Variants in SSC5D observed in about 807,000 individuals in gnomAD.
SSC5D encodes the protein soluble scavenger receptor cysteine-rich domain-containing protein SSC5D.
In SSC5D, 106 loss-of-function variants were observed where a neutral mutation model predicts 104.6. The observed-to-expected ratio is 1.01, with a 90% confidence interval of 0.87 to 1.19. SSC5D has a LOEUF of 1.19. Ranked by LOEUF, SSC5D falls within the 50% of genes most tolerant of loss-of-function variation. The pLI is 0.00. For synonymous variants in SSC5D, 860 were observed against 883.5 expected (o/e 0.97, Z 0.47); for missense variants, 1,993 against 2,153.8 (o/e 0.93, Z 1.48).
rs937157547 is a variant in SSC5D at position 55,499,384 on chromosome 19, G to A, written c.1706-432G>A. On this transcript the variant is annotated intron_variant, in intron 9 of 13. Coordinates refer to ENST00000389623, the MANE Select transcript of SSC5D (RefSeq NM_001144950.2). The stretch of plus-strand genomic sequence containing the variant: ...TCCCCGTCTTCCTGAGGGCCACGGG[G>A]GCACCACAGAAGGATTCTGAGTTCG... Among the ~76,000 whole-genome samples, 7 of 152,330 alleles carry A rather than the reference G, an allele frequency of 4.6e-5. No homozygotes were observed. In the East Asian group the frequency reaches 1.3e-3, roughly 29 times the overall value.
chr19:55,505,101 G>C (rs1208633572), intron 12 of SSC5D, among the ~76,000 whole-genome samples: 2 of 151,650 alleles, frequency 1.3e-5, no homozygotes, highest in Non-Finnish European at 2.9e-5. Flanking sequence ...GTTCCAACCC[G>C]GATTAGAACT....
Position 55,513,181 on chromosome 19 carries a change from C to T in SSC5D, c.2947+9C>T, listed in dbSNP as rs183364363. 93 of 1,487,766 alleles carry T rather than the reference C, an allele frequency of 6.3e-5. No homozygotes were observed. The East Asian group carries it at 1.4e-3, about 22-fold the overall frequency. The allele number at this position is 1,487,766 out of a possible 1,614,324, so 92.2% of individuals were successfully genotyped here. The stretch of plus-strand genomic sequence containing the variant: ...AGTCCATGGAGACACAGGTGAGACA[C>T]GTGGCTGGGGTGAGGAGACTGGGAC... On this transcript the variant is annotated intron_variant, in intron 13 of 13. Coordinates refer to ENST00000389623, the MANE Select transcript of SSC5D (RefSeq NM_001144950.2).
chr19:55,493,991 G>GGGGGGGGGGC lies in SSC5D; in HGVS notation c.1213+82_1213+83insGGGGGGCGGG. The GGGGGGGGGGC allele has an allele frequency of 6.6e-6, 2 of 301,048 alleles. 1 individual carries two copies. The highest frequency in any genetic ancestry group is 4.7e-5 in the South Asian group (2 of 42,154). The allele number at this position is 301,048 out of a possible 1,614,324, so 18.6% of individuals were successfully genotyped here. ...GAGGGGCAAGTTCGGCGGGGGCGGG[G>GGGGGGGGGGC]GGGTCCCTACGCGCCCTTCCTGCCC... On this transcript the variant is annotated intron_variant, in intron 7 of 13. Coordinates refer to ENST00000389623, the MANE Select transcript of SSC5D (RefSeq NM_001144950.2).
chr19:55,495,233 A>ATATATATATATATTTTT (rs1555765051), intron 8 of SSC5D, among the ~76,000 whole-genome samples: 1 of 50,668 alleles, frequency 2.0e-5, no homozygotes, highest in Non-Finnish European at 3.2e-5. Flanking sequence ...ATATATATAT[A>ATATATATATATATTTTT]TTTTTTTTTT....
rs1475453288 is a variant in SSC5D, at chr19:55,518,105, C to G, written c.3829C>G (p.Pro1277Ala). 6.8e-7 allele frequency: 1 copy of G among 1,465,740 alleles called. No individual in the cohort carries two copies. Among genetic ancestry groups the G allele is most frequent in the Non-Finnish European group, 9.2e-7 (1 of 1,088,890 alleles). The allele number at this position is 1,465,740 out of a possible 1,614,324, so 90.8% of individuals were successfully genotyped here. A position where few individuals can be genotyped will look rare whatever the true frequency, so the allele number is the denominator to read the frequency against. The change falls in exon 14 of 14, where the codon CCC becomes GCC. Residue 1277 changes from proline to alanine, a missense_variant. Physicochemically the swap from Pro to Ala is conservative, Grantham distance 27. This residue lies in a region of SSC5D where 349 missense variants were observed against 397.6 expected (regional missense o/e 0.88). Coordinates refer to ENST00000389623, the MANE Select transcript of SSC5D (RefSeq NM_001144950.2). ...CATGCAGCCCACCACGATGCCTCAT[C>G]CCACCACGACCCCTCACCCCACCAC... is the stretch of plus-strand genomic sequence containing the variant. ...TTMQPTTMPH[P>A]TTTPHPTTTP...
Position 55,517,333 on chromosome 19 carries a change from C to G in SSC5D, c.3057C>G (p.Gly1019=), listed in dbSNP as rs1335912122. ...CCTCCGCCTCTCCGGGACCCCCAGG[C>G]CCAGCGCTGACCTCTGACTCCAGTC... is the stretch of plus-strand genomic sequence containing the variant. The part of the protein sequence containing the change: ...PGPSASPGPP[G]PALTSDSSRE... Residue 1019 remains glycine, a synonymous_variant, in exon 14 of 14, where the codon GGC becomes GGG. Coordinates refer to ENST00000389623, the MANE Select transcript of SSC5D (RefSeq NM_001144950.2). The G allele has an allele frequency of 1.3e-6, 2 of 1,550,166 alleles. No homozygotes were observed. Among genetic ancestry groups the G allele is most frequent in the South Asian group, 2.4e-5 (2 of 84,058 alleles).
At chr19:55,513,251 G>A in intron 13 of SSC5D, 79 bp downstream of exon 13, 1 of 1,354,692 alleles carries the variant, frequency 7.4e-7, no homozygotes, top group South Asian at 1.6e-5. Flanking sequence ...ACTCCCCACT[G>A]GAACCCTTAC....
At chr19:55,517,203 C>A in intron 13 of SSC5D, 21 bp from the exon 14 acceptor site, 2 of 1,529,196 alleles carry the variant, frequency 1.3e-6, no homozygotes, top group Non-Finnish European at 1.7e-6. Context: ...GACCGTCCGT[C>A]TGTCTTTCCT....
rs190182994 is a variant in SSC5D at position 55,493,959 on chromosome 19, T to C, written c.1213+47T>C. On this transcript the variant is annotated intron_variant, in intron 7 of 13. Coordinates refer to ENST00000389623, the MANE Select transcript of SSC5D (RefSeq NM_001144950.2). ...ACCGGGAGGTGGGCGTGGTGGTGCTTGGAGCGGAGGGGCAAGTTCGGCGGG... is the reference window on the plus strand; with the variant it reads ...ACCGGGAGGTGGGCGTGGTGGTGCTCGGAGCGGAGGGGCAAGTTCGGCGGG... 1,178 of 317,520 alleles carry C rather than the reference T, an allele frequency of 3.7e-3. 9 individuals carry two copies. In the African/African-American group the frequency reaches 0.04, roughly 11 times the overall value. 19.7% of individuals were successfully genotyped at this position (317,520 alleles called of 1,614,324 possible).
chr19:55,511,808 G>A (rs1402383576), intron 12 of SSC5D, among the ~76,000 whole-genome samples: 2 of 152,124 alleles, frequency 1.3e-5, no homozygotes, highest in African/African-American at 4.8e-5. Flanking sequence ...GGTGGAAAGG[G>A]GCAGGTGTCT....
intron 12 of SSC5D, among the ~76,000 whole-genome samples, chr19:55,505,815 C>T (rs1487458069): frequency 1.3e-5 from 2 of 151,824 alleles, no homozygotes; most frequent in Admixed American, 6.6e-5. Context: ...CGGCTCACTG[C>T]AGCCTCTGCT....
chr19:55,496,319 C>T (rs1437771049), intron 8 of SSC5D, among the ~76,000 whole-genome samples: 1 of 152,118 alleles, frequency 6.6e-6, no homozygotes, highest in Non-Finnish European at 1.5e-5. Context: ...GGGGCAGTCC[C>T]TCAGGATCAG....
At chr19:55,496,970 G>A (rs1028081937) in intron 8 of SSC5D, among the ~76,000 whole-genome samples, 1 of 152,182 alleles carries the variant, frequency 6.6e-6, no homozygotes, top group Non-Finnish European at 1.5e-5. Context: ...ACGTTGGCCA[G>A]GCTGGTCTCA....
intron 12 of SSC5D, chr19:55,504,185 A>G (rs1221225852): frequency 1.3e-6 from 2 of 1,534,902 alleles, no homozygotes; most frequent in Non-Finnish European, 1.7e-6. Flanking sequence ...GCGCCTCCCT[A>G]GCCCATAGCG....
At chr19:55,494,104 C>T (rs558987576) in intron 7 of SSC5D, among the ~76,000 whole-genome samples, 192 bp downstream of exon 7, 412 of 152,252 alleles carry the variant, frequency 2.7e-3, no homozygotes, top group African/African-American at 9.7e-3. Context: ...GGCTTTGCCC[C>T]CAAGGGGACA....
At chr19:55,489,773 A>G in intron 3 of SSC5D, 109 bp from the exon 4 acceptor site, 1 of 1,480,254 alleles carries the variant, frequency 6.8e-7, no homozygotes, top group Non-Finnish European at 9.2e-7. Context: ...GAGACACCCA[A>G]CCTCCCATCC....
Position 55,500,642 on chromosome 19 carries a change from C to T in SSC5D, c.2455C>T (p.Arg819Trp), listed in dbSNP as rs1041780494. Residue 819 changes from arginine (R) to tryptophan (W), a missense_variant, in exon 11 of 14, where the codon CGG becomes TGG. Physicochemically the swap from Arg to Trp is moderately radical, Grantham distance 101. Transcript: ENST00000389623. This position sits in a 1 kb window ranked among gnomAD's most constrained non-coding sequence, Gnocchi z 4.6. Reference protein sequence around the residue: ...ACWELGCGKVRPRVGKTHYGP... With the variant: ...ACWELGCGKVWPRVGKTHYGP... ...CTGGGAACTGGGCTGTGGAAAGGTC[C>T]GGCCTCGAGTAGGCAAAACCCATTA... 21 of 1,551,618 alleles carry T rather than the reference C, an allele frequency of 1.4e-5. No individual in the cohort carries two copies. The highest frequency in any genetic ancestry group is 9.8e-5 in the Admixed American group (5 of 50,980).
rs1415106397 is a variant in SSC5D at position 55,489,943 on chromosome 19, A to G, written c.423A>G (p.Pro141=). 6.5e-7 allele frequency: 1 copy of G among 1,548,356 alleles called. No homozygotes were observed. The highest frequency in any genetic ancestry group is 8.7e-7 in the Non-Finnish European group (1 of 1,146,254). Residue 141 remains proline (P), a synonymous_variant, in exon 4 of 14, where the codon CCA becomes CCG. Coordinates refer to ENST00000389623, the MANE Select transcript of SSC5D (RefSeq NM_001144950.2). ...CTCCCCTGGATGGGGCTCCCTGGCC[A>G]GGGCTGTTGCTGGAGCTGAGCCCCA... The part of the protein sequence containing the change: ...STSPLDGAPW[P]GLLLELSPST...
intron 6 of SSC5D, among the ~76,000 whole-genome samples, chr19:55,493,349 G>C (rs911906648): frequency 6.6e-6 from 1 of 150,514 alleles, no homozygotes. Context: ...GGATCCAGGG[G>C]ACCAGAGCCA....
Sources: gnomAD v4.1 joint callset for allele counts (sites outside exome capture counted in the v4.1 genomes callset) on GRCh38, gnomAD v4.1.1 for gene constraint, gnomAD v4.1.1 regional missense constraint, Gnocchi (gnomAD v3.1) non-coding constraint, MANE v1.5 for transcripts, NCBI Gene and HGNC (gene_info 2026-07-23, HGNC 2026-07-21) for gene names.